Variants in KLF12 observed in about 807,000 individuals in gnomAD.
KLF12 encodes Krueppel-like factor 12.
KLF12 carries 9 observed loss-of-function variants against 37.8 expected under a neutral mutation model. That is an observed-to-expected ratio of 0.24 (90% CI 0.14 to 0.42). The LOEUF is 0.42. Among genes scored for constraint, KLF12 ranks in the 10% least tolerant of loss-of-function variants. The pLI is 1.00. For missense variants in KLF12, 411 were observed against 516.0 expected, an observed-to-expected ratio of 0.80 and a Z score of 1.97; for synonymous variants, 208 against 202.1, an observed-to-expected ratio of 1.03 and a Z score of -0.25.
At chr13:73,904,250 C>A (rs769178125) in intron 3 of KLF12, among the ~76,000 whole-genome samples, 1 of 152,116 alleles carries the variant, frequency 6.6e-6, no homozygotes, top group African/African-American at 2.4e-5. Context: ...ATCCACTACC[C>A]GACACGTCCT....
chr13:74,086,089 CAATT>C (rs1302585059), intron 1 of KLF12, among the ~76,000 whole-genome samples: 1 of 151,068 alleles, frequency 6.6e-6, no homozygotes, highest in African/African-American at 2.4e-5. Flanking sequence ...TTTGTTTTAA[CAATT>C]AACTAAAGGA....
At chr13:73,881,309 C>G (rs758424899) in intron 3 of KLF12, among the ~76,000 whole-genome samples, 11 of 151,944 alleles carry the variant, frequency 7.2e-5, no homozygotes, top group Non-Finnish European at 1.5e-4. Context: ...TTTTAAATTT[C>G]TGAGAAGCTT....
intron 1 of KLF12, among the ~76,000 whole-genome samples, chr13:74,047,059 T>C (rs1161062497): frequency 6.6e-6 from 1 of 152,154 alleles, no homozygotes; most frequent in African/African-American, 2.4e-5. Flanking sequence ...ATCTAAATGG[T>C]ATATAATGCA....
chr13:74,108,322 A>T (rs1232763668), intron 1 of KLF12, among the ~76,000 whole-genome samples: 2 of 152,186 alleles, frequency 1.3e-5, no homozygotes, highest in East Asian at 3.9e-4. Context: ...CTTCATTCTC[A>T]CTCCAATTTC....
the KLF12 span, among the ~76,000 whole-genome samples, chr13:74,140,579 G>A: frequency 2.4e-4 from 36 of 152,298 alleles, 1 homozygote; most frequent in East Asian, 6.4e-3. Context: ...GTGGTGCTTT[G>A]AAGTAAAACA....
intron 6 of KLF12, among the ~76,000 whole-genome samples, chr13:73,724,979 T>C (rs945659967): frequency 1.3e-5 from 2 of 150,986 alleles, no homozygotes; most frequent in African/African-American, 4.9e-5. Context: ...CGCTATTTCC[T>C]TTTTTTTGCT....
chr13:73,898,155 C>T (rs1887874403), intron 3 of KLF12, among the ~76,000 whole-genome samples: 1 of 152,110 alleles, frequency 6.6e-6, no homozygotes. Context: ...AGTATTCAGC[C>T]CTTCTTAATA....
chr13:74,107,337 A>G (rs1206267337), intron 1 of KLF12, among the ~76,000 whole-genome samples: 1 of 152,200 alleles, frequency 6.6e-6, no homozygotes, highest in Non-Finnish European at 1.5e-5. Context: ...ATTCTAGGGT[A>G]GGGTCCCTAT....
intron 7 of KLF12, among the ~76,000 whole-genome samples, chr13:73,706,122 T>A (rs958186676): frequency 6.6e-6 from 1 of 152,126 alleles, no homozygotes; most frequent in African/African-American, 2.4e-5. Flanking sequence ...ACTGTACTCC[T>A]CTAGCCTGGC....
At chr13:74,123,257 A>G (rs1333368645) in intron 1 of KLF12, among the ~76,000 whole-genome samples, 1 of 152,202 alleles carries the variant, frequency 6.6e-6, no homozygotes, top group Non-Finnish European at 1.5e-5. Context: ...AATGTGCAAA[A>G]AGTTTTTGAA....
At chr13:74,054,921 G>T (rs1873157873) in intron 1 of KLF12, among the ~76,000 whole-genome samples, 1 of 152,140 alleles carries the variant, frequency 6.6e-6, no homozygotes, top group African/African-American at 2.4e-5. Context: ...AAAGTTCATT[G>T]TATTATACTT....
chr13:73,772,470 G>A (rs1050677031), intron 5 of KLF12, among the ~76,000 whole-genome samples: 2 of 152,212 alleles, frequency 1.3e-5, no homozygotes, highest in Non-Finnish European at 2.9e-5. Flanking sequence ...GGGAGTTTCC[G>A]TAGGACAATG....
intron 1 of KLF12, among the ~76,000 whole-genome samples, chr13:74,055,556 C>T (rs1873198956): frequency 6.6e-6 from 1 of 152,116 alleles, no homozygotes; most frequent in African/African-American, 2.4e-5. Context: ...AATATGGAAA[C>T]AAACTATAGG....
chr13:74,265,008 C>T, the KLF12 span, among the ~76,000 whole-genome samples: 53 of 152,124 alleles, frequency 3.5e-4, no homozygotes, highest in Admixed American at 5.2e-4. Context: ...AAATTATTTA[C>T]AATAGTACCT....
intron 1 of KLF12, among the ~76,000 whole-genome samples, chr13:74,073,217 A>G (rs1195833985): frequency 2.0e-5 from 3 of 152,212 alleles, no homozygotes; most frequent in Non-Finnish European, 2.9e-5. Context: ...TCATAGCAGT[A>G]TTAAAATGGA....
At chr13:73,938,317 CT>C (rs1391244285) in intron 3 of KLF12, among the ~76,000 whole-genome samples, 2 of 152,096 alleles carry the variant, frequency 1.3e-5, no homozygotes, top group African/African-American at 4.8e-5. Flanking sequence ...TTTTTTCCCC[CT>C]AATGCTACTG....
intron 6 of KLF12, among the ~76,000 whole-genome samples, chr13:73,727,383 A>G (rs1876743147): frequency 6.6e-6 from 1 of 152,180 alleles, no homozygotes; most frequent in Admixed American, 6.5e-5. Context: ...GGTATAAGAA[A>G]GGAAGGAGTC....
chr13:73,763,880 T>C (rs1331192930), intron 6 of KLF12, among the ~76,000 whole-genome samples: 1 of 152,144 alleles, frequency 6.6e-6, no homozygotes, highest in Non-Finnish European at 1.5e-5. Context: ...AACGCCTCTG[T>C]GCCCCATTTC....
At chr13:74,196,515 G>C in the KLF12 span, among the ~76,000 whole-genome samples, 3 of 152,286 alleles carry the variant, frequency 2.0e-5, no homozygotes. Context: ...AATGCTGCTT[G>C]CATTTTTAAT....
Sources: gnomAD v4.1 joint callset for allele counts (sites outside exome capture counted in the v4.1 genomes callset) on GRCh38, gnomAD v4.1.1 for gene constraint, MANE v1.5 for transcripts, NCBI Gene and HGNC (gene_info 2026-07-23, HGNC 2026-07-21) for gene names.